The following DPYSL3 variants were observed in gnomAD, a reference collection of about 807,000 sequenced individuals.
DPYSL3 encodes the protein dihydropyrimidinase like 3.
Under a neutral mutation model 66.1 loss-of-function variants are expected in DPYSL3, and 16 were observed. The observed-to-expected ratio is 0.24, with a 90% CI of 0.16 to 0.37. The LOEUF is 0.37. Among genes scored for constraint, DPYSL3 ranks in the 10% least tolerant of loss-of-function variants. The probability of loss-of-function intolerance (pLI) is 1.00; values close to 1 mark genes in which losing one functional copy is unlikely to be tolerated. For synonymous variants in DPYSL3, 338 were observed against 345.1 expected (o/e 0.98, Z 0.23); for missense variants, 738 against 916.2 (o/e 0.81, Z 2.51).
chr5:147,435,824 A>G (rs1047129181), intron 1 of DPYSL3, among the ~76,000 whole-genome samples: 2 of 152,236 alleles, frequency 1.3e-5, no homozygotes, highest in African/African-American at 4.8e-5. Flanking sequence ...TTAACAAAGA[A>G]ATTACTTAAC....
chr5:147,414,436 T>C (rs1751920465), intron 4 of DPYSL3, among the ~76,000 whole-genome samples: 2 of 152,142 alleles, frequency 1.3e-5, no homozygotes, highest in African/African-American at 4.8e-5. Context: ...CTGAGAATCA[T>C]TTTGAGGAAA....
intron 7 of DPYSL3, among the ~76,000 whole-genome samples, chr5:147,406,836 C>T (rs1414084748): frequency 6.6e-6 from 1 of 152,182 alleles, no homozygotes; most frequent in Non-Finnish European, 1.5e-5. Flanking sequence ...CTTGCAGATG[C>T]CCAATGGCTG....
At chr5:147,394,304 C>A (rs936686074) in intron 13 of DPYSL3, among the ~76,000 whole-genome samples, 181 bp from the exon 14 acceptor site, 3 of 152,114 alleles carry the variant, frequency 2.0e-5, no homozygotes, top group African/African-American at 7.2e-5. Context: ...CTTATGGCCC[C>A]GAAAACTAGC....
chr5:147,453,636 T>C, intron 1 of DPYSL3: 1 of 1,513,870 alleles, frequency 6.6e-7, no homozygotes, highest in Non-Finnish European at 8.9e-7. Context: ...CTTCTTCTGC[T>C]CCGGCTCGCC....
rs1171330371 is a variant in DPYSL3 at position 147,509,767 on chromosome 5, C to T, written c.92G>A (p.Arg31Gln). The T allele has an allele frequency of 1.3e-6, 2 of 1,535,996 alleles. No homozygotes were observed. The highest frequency in any genetic ancestry group is 1.7e-6 in the Non-Finnish European group (2 of 1,146,808). Residue 31 changes from arginine (R) to glutamine (Q), a missense_variant, in exon 1 of 14, where the codon CGG becomes CAG. Arg to Gln is a conservative substitution (Grantham distance 43). Coordinates refer to ENST00000343218, the MANE Select transcript of DPYSL3 (RefSeq NM_001197294.2). This position sits in a 1 kb window ranked among gnomAD's most constrained non-coding sequence, Gnocchi z 5.3. ...GCAGAACATGCCGCCGTATTTCTGC[C>T]GCGGGACCTGGTCCGTGGTGCCCGG... ...ARPGTTDQVP[R>Q]QKYGGMFCNV...
intron 1 of DPYSL3, among the ~76,000 whole-genome samples, chr5:147,436,381 C>T (rs971580124): frequency 2.6e-5 from 4 of 152,114 alleles, no homozygotes; most frequent in Admixed American, 2.6e-4. Flanking sequence ...GAGCAATATG[C>T]AAAATATGAT....
At chr5:147,491,495 G>A (rs1753414832) in intron 1 of DPYSL3, among the ~76,000 whole-genome samples, 1 of 152,068 alleles carries the variant, frequency 6.6e-6, no homozygotes, top group Admixed American at 6.5e-5. Flanking sequence ...TCAAAAGAAG[G>A]CATTTAGACA....
intron 1 of DPYSL3, among the ~76,000 whole-genome samples, chr5:147,470,108 G>T (rs747970444): frequency 6.6e-6 from 1 of 152,154 alleles, no homozygotes; most frequent in Non-Finnish European, 1.5e-5. Context: ...TCAGGAGCAA[G>T]CTGAAGGTTC....
Position 147,482,399 on chromosome 5 carries a change from C to T in DPYSL3, c.381+27079G>A, listed in dbSNP as rs561303792. ...AAATCAGAAATTATGACACCAAATC[C>T]CATGGCCATTCTTCTCCATCTAGAT... On this transcript the variant is annotated intron_variant, in intron 1 of 13. Transcript: ENST00000343218. Among the ~76,000 whole-genome samples the T allele has an allele frequency of 3.7e-4, 57 of 152,268 alleles. 2 individuals carry two copies. The highest frequency in any genetic ancestry group is 1.2e-3 in the Admixed American group (19 of 15,290).
intron 1 of DPYSL3, among the ~76,000 whole-genome samples, chr5:147,483,239 C>T (rs969374966): frequency 2.0e-5 from 3 of 152,148 alleles, no homozygotes; most frequent in Admixed American, 6.5e-5. Flanking sequence ...CCTCACTTTC[C>T]GAGCTTTCAG....
intron 1 of DPYSL3, among the ~76,000 whole-genome samples, chr5:147,494,380 T>C (rs1330493207): frequency 1.3e-5 from 2 of 152,044 alleles, no homozygotes; most frequent in African/African-American, 4.8e-5. Context: ...AATACATTTC[T>C]TTTCTAAAAA....
At chr5:147,492,900 A>G (rs1301965242) in intron 1 of DPYSL3, among the ~76,000 whole-genome samples, 1 of 152,232 alleles carries the variant, frequency 6.6e-6, no homozygotes, top group Non-Finnish European at 1.5e-5. Context: ...AGAGATTGTC[A>G]GAATGGATCA....
intron 1 of DPYSL3, among the ~76,000 whole-genome samples, chr5:147,430,287 G>A (rs1417311542): frequency 6.6e-6 from 1 of 152,042 alleles, no homozygotes; most frequent in Non-Finnish European, 1.5e-5. Context: ...CCTGAGGTCA[G>A]GAGTTCGAGA....
chr5:147,401,441 G>A lies in DPYSL3; in HGVS notation c.1310+99C>T, dbSNP rs1758174351. On this transcript the variant is annotated intron_variant, in intron 9 of 13. Coordinates refer to ENST00000343218, the MANE Select transcript of DPYSL3 (RefSeq NM_001197294.2). ...ATACACTGTTCACACTGCAGACTCT[G>A]GTCAAGTTTATAGATGGGACTGCTC... 3 of 1,362,652 alleles carry A rather than the reference G, an allele frequency of 2.2e-6. No individual in the cohort carries two copies. The African/African-American group carries it at 4.4e-5, about 20-fold the overall frequency. 84.4% of individuals were successfully genotyped at this position (1,362,652 alleles called of 1,614,324 possible).
chr5:147,501,022 A>C (rs760260487), intron 1 of DPYSL3, among the ~76,000 whole-genome samples: 1 of 150,216 alleles, frequency 6.7e-6, no homozygotes, highest in Non-Finnish European at 1.5e-5. Context: ...GTGCCCACGA[A>C]TGTTTATAGC....
At chr5:147,436,204 A>T (rs1752412821) in intron 1 of DPYSL3, among the ~76,000 whole-genome samples, 1 of 152,222 alleles carries the variant, frequency 6.6e-6, no homozygotes, top group Admixed American at 6.5e-5. Context: ...GGTGGAGAGG[A>T]TATCTGGGGA....
chr5:147,476,356 T>C (rs1017861919), intron 1 of DPYSL3, among the ~76,000 whole-genome samples: 1 of 152,164 alleles, frequency 6.6e-6, no homozygotes, highest in Non-Finnish European at 1.5e-5. Context: ...TAATTGATAT[T>C]CGTAATGATG....
intron 1 of DPYSL3, chr5:147,453,787 C>G: frequency 7.8e-7 from 1 of 1,278,480 alleles, no homozygotes; most frequent in Non-Finnish European, 9.9e-7. Flanking sequence ...TCCCCGGTCC[C>G]CCTTTCACCC....
chr5:147,491,322 C>G (rs1406244102), intron 1 of DPYSL3, among the ~76,000 whole-genome samples: 1 of 152,196 alleles, frequency 6.6e-6, no homozygotes, highest in African/African-American at 2.4e-5. Flanking sequence ...CACCTTGCCA[C>G]TACATTACTA....
Sources: allele counts gnomAD v4.1 joint callset (sites outside exome capture counted in the v4.1 genomes callset), GRCh38; gene constraint gnomAD v4.1.1; non-coding constraint Gnocchi (gnomAD v3.1); transcripts MANE v1.5; gene names NCBI Gene and HGNC (gene_info 2026-07-23, HGNC 2026-07-21).